Variants in PCDH15 observed in about 807,000 individuals in gnomAD.
The protein encoded by PCDH15 is protocadherin related 15, also known as protocadherin-15.
PCDH15 carries 129 observed loss-of-function variants against 178.5 expected under a neutral mutation model. That is an observed-to-expected ratio of 0.72 (90% CI 0.63 to 0.84). The LOEUF is 0.84. Ranked by LOEUF, PCDH15 falls within the 40% of genes least tolerant of loss-of-function variation. PCDH15 has a pLI of 0.00. For missense variants in PCDH15, 2,230 were observed against 2,099.9 expected, an observed-to-expected ratio of 1.06 and a Z score of -1.21; for synonymous variants, 800 against 732.0, an observed-to-expected ratio of 1.09 and a Z score of -1.50.
intron 35 of PCDH15, 43 bp from the exon 36 acceptor site, chr10:53,811,662 A>G: frequency 7.6e-7 from 1 of 1,310,546 alleles, no homozygotes; most frequent in Non-Finnish European, 1.0e-6. Context: ...ACGAATTCTT[A>G]TCACGTTTCA....
At chr10:54,062,077 T>G (rs2094027620) in intron 18 of PCDH15, among the ~76,000 whole-genome samples, 1 of 151,320 alleles carries the variant, frequency 6.6e-6, no homozygotes, top group African/African-American at 2.4e-5. Context: ...GTACAAAAAT[T>G]TGCTGGGCAT....
chr10:55,595,842 C>T (rs1482976036), intron 2 of PCDH15, among the ~76,000 whole-genome samples: 3 of 151,932 alleles, frequency 2.0e-5, no homozygotes, highest in African/African-American at 7.2e-5. Flanking sequence ...TCAAAAATCT[C>T]TAAAATAATT....
chr10:55,208,411 C>T (rs777470156), intron 1 of PCDH15, among the ~76,000 whole-genome samples: 12 of 151,964 alleles, frequency 7.9e-5, no homozygotes, highest in Non-Finnish European at 1.5e-4. Flanking sequence ...TCTTCTCATA[C>T]CACAACCTGC....
At chr10:54,504,827 G>GTACT (rs2081030769) in intron 3 of PCDH15, among the ~76,000 whole-genome samples, 1 of 152,008 alleles carries the variant, frequency 6.6e-6, no homozygotes, top group African/African-American at 2.4e-5. Context: ...TTTTCTCTCT[G>GTACT]TACTCTCTCT....
In PCDH15 at chr10:55,173,364, TG is replaced by T. The variant is rs369147293; in HGVS notation, c.-155-6714del. On this transcript the variant is annotated intron_variant, in intron 1 of 5. Transcript: ENST00000458638. ...GTGTGTGTATGTGTATGTAGAAGGA[TG>T]GGGGTTAGGAAGACTGTGCTTATAA... Among the ~76,000 whole-genome samples the T allele has an allele frequency of 3.0e-3, 458 of 150,294 alleles. 1 individual carries two copies. Among genetic ancestry groups the T allele is most frequent in the South Asian group, 0.019 (90 of 4,766 alleles).
chr10:55,312,124 C>T (rs1843599605), intron 1 of PCDH15, among the ~76,000 whole-genome samples: 2 of 151,912 alleles, frequency 1.3e-5, no homozygotes, highest in African/African-American at 4.8e-5. Flanking sequence ...TGCTCGAGGG[C>T]AAACTGCTGA....
chr10:53,834,337 G>C (rs1459494571), intron 29 of PCDH15, among the ~76,000 whole-genome samples: 1 of 152,010 alleles, frequency 6.6e-6, no homozygotes, highest in Non-Finnish European at 1.5e-5. Flanking sequence ...TTTTCCAATG[G>C]TTTCTGTAGG....
chr10:53,989,224 G>C (rs1431551571), intron 21 of PCDH15, among the ~76,000 whole-genome samples: 1 of 152,056 alleles, frequency 6.6e-6, no homozygotes, highest in Non-Finnish European at 1.5e-5. Context: ...ACATTTTCCA[G>C]GCTAGATTTT....
chr10:55,152,383 T>A (rs1463398869), intron 2 of PCDH15, among the ~76,000 whole-genome samples: 2 of 152,002 alleles, frequency 1.3e-5, no homozygotes, highest in Non-Finnish European at 2.9e-5. Flanking sequence ...TTTTCTAGTT[T>A]TGAAAATTTG....
intron 2 of PCDH15, among the ~76,000 whole-genome samples, chr10:55,600,205 A>T (rs1459462061): frequency 6.6e-6 from 1 of 152,100 alleles, no homozygotes; most frequent in Non-Finnish European, 1.5e-5. Flanking sequence ...TCTACTAAAA[A>T]TACAAAAAAT....
intron 2 of PCDH15, among the ~76,000 whole-genome samples, chr10:55,487,927 CAA>C (rs1411393429): frequency 7.4e-6 from 1 of 135,092 alleles, no homozygotes; most frequent in Non-Finnish European, 1.6e-5. Context: ...TTAATAAATT[CAA>C]AGTCATAATC....
Position 53,848,051 on chromosome 10 carries a change from C to G in PCDH15, c.3807-7555G>C, listed in dbSNP as rs375935482. ...GTTTATGTCTCACATTAAAAAACAG[C>G]AGTACAGACTGCGGTAAATTGTGAA... On this transcript the variant is annotated intron_variant, in intron 28 of 37. Coordinates refer to ENST00000644397, the MANE Select transcript of PCDH15 (RefSeq NM_001384140.1). 5.3e-5 allele frequency among the ~76,000 whole-genome samples: 8 copies of G among 151,918 alleles called. 1 individual carries two copies. The highest frequency in any genetic ancestry group is 3.9e-4 in the East Asian group (2 of 5,182).
At chr10:53,843,693 TA>T (rs1028152348) in intron 28 of PCDH15, among the ~76,000 whole-genome samples, 4 of 151,994 alleles carry the variant, frequency 2.6e-5, no homozygotes, top group African/African-American at 9.7e-5. Context: ...AACTTCGTGA[TA>T]AAAAAAGTCT....
chr10:53,909,130 C>G (rs1461305408), intron 25 of PCDH15, among the ~76,000 whole-genome samples: 1 of 152,052 alleles, frequency 6.6e-6, no homozygotes, highest in Non-Finnish European at 1.5e-5. Context: ...GCAGTTTTCC[C>G]CAATGTGTTC....
chr10:54,511,347 A>G (rs543416490), intron 3 of PCDH15, among the ~76,000 whole-genome samples: 1 of 152,230 alleles, frequency 6.6e-6, no homozygotes, highest in African/African-American at 2.4e-5. Flanking sequence ...GGCTTCATGG[A>G]TATCAGTTTG....
chr10:55,210,475 G>A (rs960666986), intron 1 of PCDH15, among the ~76,000 whole-genome samples: 1 of 151,734 alleles, frequency 6.6e-6, no homozygotes, highest in Non-Finnish European at 1.5e-5. Flanking sequence ...AGCAAAGGAA[G>A]CATAGACATC....
At chr10:55,128,873 T>A (rs1291165140) in intron 2 of PCDH15, among the ~76,000 whole-genome samples, 1 of 152,098 alleles carries the variant, frequency 6.6e-6, no homozygotes, top group Non-Finnish European at 1.5e-5. Flanking sequence ...CTTGCAAGCA[T>A]CAAGTTAGCC....
chr10:54,310,768 A>C (rs776065197), intron 8 of PCDH15, among the ~76,000 whole-genome samples: 2 of 152,050 alleles, frequency 1.3e-5, no homozygotes, highest in Non-Finnish European at 2.9e-5. Context: ...AAGAATTACA[A>C]AAGAGAGAAG....
intron 2 of PCDH15, among the ~76,000 whole-genome samples, chr10:55,484,284 C>A (rs1263029366): frequency 3.3e-5 from 5 of 151,404 alleles, no homozygotes; most frequent in Non-Finnish European, 7.4e-5. Flanking sequence ...TACCCCTGAA[C>A]TTAAAGTTAA....
Sources: gnomAD v4.1 joint callset for allele counts (sites outside exome capture counted in the v4.1 genomes callset) on GRCh38, gnomAD v4.1.1 for gene constraint, MANE v1.5 for transcripts, NCBI Gene and HGNC (gene_info 2026-07-23, HGNC 2026-07-21) for gene names.